Variants in MACROD2 observed in about 807,000 individuals in gnomAD.
MACROD2 encodes ADP-ribose glycohydrolase MACROD2.
A neutral mutation model predicts 70.4 loss-of-function variants in MACROD2; 36 were observed. The observed-to-expected ratio is 0.51, with a 90% CI of 0.39 to 0.68. The LOEUF is 0.68. Among genes scored for constraint, MACROD2 ranks in the 30% least tolerant of loss-of-function variants. The pLI is 0.00. For synonymous variants in MACROD2, 172 were observed against 178.8 expected, an observed-to-expected ratio of 0.96 and a Z score of 0.30; for missense variants, 496 against 538.4, an observed-to-expected ratio of 0.92 and a Z score of 0.78.
At chr20:14,956,767 A>G (rs1338023519) in intron 5 of MACROD2, among the ~76,000 whole-genome samples, 2 of 152,158 alleles carry the variant, frequency 1.3e-5, no homozygotes, top group African/African-American at 4.8e-5. Flanking sequence ...CTAGAGGACA[A>G]GCGTAACTTC....
At chr20:15,340,222 T>C (rs1352980103) in intron 6 of MACROD2, among the ~76,000 whole-genome samples, 1 of 134,436 alleles carries the variant, frequency 7.4e-6, no homozygotes, top group Non-Finnish European at 1.6e-5. Context: ...CACTGCAACC[T>C]CTGCCTCCCA....
chr20:14,935,990 G>A (rs1352570631), intron 5 of MACROD2, among the ~76,000 whole-genome samples: 1 of 152,032 alleles, frequency 6.6e-6, no homozygotes, highest in East Asian at 1.9e-4. Flanking sequence ...TGTTCTAGGA[G>A]CCAAGCACAT....
chr20:15,523,439 TCAGA>T (rs2047678832), intron 8 of MACROD2, among the ~76,000 whole-genome samples: 1 of 152,158 alleles, frequency 6.6e-6, no homozygotes, highest in African/African-American at 2.4e-5. Flanking sequence ...CTAGTCTGGG[TCAGA>T]CAAAGGACCG....
intron 3 of MACROD2, among the ~76,000 whole-genome samples, chr20:14,112,086 T>C (rs1473892458): frequency 1.3e-5 from 2 of 152,008 alleles, no homozygotes; most frequent in African/African-American, 4.8e-5. Context: ...TGGAAATCGT[T>C]ATATTAAATG....
At chr20:14,333,495 A>G (rs904606023) in intron 3 of MACROD2, among the ~76,000 whole-genome samples, 1 of 152,146 alleles carries the variant, frequency 6.6e-6, no homozygotes, top group African/African-American at 2.4e-5. Context: ...ATTAATTTAG[A>G]GAGTGGTGAA....
intron 8 of MACROD2, among the ~76,000 whole-genome samples, chr20:15,606,728 C>G (rs151204922): frequency 6.6e-6 from 1 of 152,154 alleles, no homozygotes; most frequent in Non-Finnish European, 1.5e-5. Flanking sequence ...ACTGGCTAGG[C>G]GCAGTGGCTC....
intron 5 of MACROD2, among the ~76,000 whole-genome samples, chr20:14,786,474 C>T (rs1435202857): frequency 6.6e-6 from 1 of 151,614 alleles, no homozygotes; most frequent in Non-Finnish European, 1.5e-5. Context: ...TTCTGCTGGC[C>T]AAAGTTGTCT....
At chr20:14,682,521 T>A (rs981713802) in intron 4 of MACROD2, among the ~76,000 whole-genome samples, 15 of 152,004 alleles carry the variant, frequency 9.9e-5, no homozygotes, top group Admixed American at 2.0e-4. Flanking sequence ...TGTGTGTATA[T>A]AATGTTGTAA....
chr20:14,904,480 C>T (rs1382799658), intron 5 of MACROD2, among the ~76,000 whole-genome samples: 3 of 151,778 alleles, frequency 2.0e-5, no homozygotes, highest in African/African-American at 7.3e-5. Context: ...TACATATATG[C>T]ATTATGCATA....
At chr20:14,058,909 T>G (rs1320378300) in intron 2 of MACROD2, among the ~76,000 whole-genome samples, 2 of 152,184 alleles carry the variant, frequency 1.3e-5, no homozygotes, top group Admixed American at 6.5e-5. Context: ...CCCAAAGTGC[T>G]GGGATTACAG....
intron 3 of MACROD2, chr20:14,327,008 T>C (rs756439857): frequency 7.4e-6 from 12 of 1,613,634 alleles, no homozygotes; most frequent in Non-Finnish European, 1.0e-5. Context: ...GGAATTGTGC[T>C]AAGGTGATTA....
At chr20:14,350,243 C>T (rs1290411495) in intron 3 of MACROD2, among the ~76,000 whole-genome samples, 1 of 152,022 alleles carries the variant, frequency 6.6e-6, no homozygotes, top group Non-Finnish European at 1.5e-5. Flanking sequence ...GGGTATATAA[C>T]CAGCAGTGGG....
intron 7 of MACROD2, among the ~76,000 whole-genome samples, chr20:15,476,416 G>T (rs1390356754): frequency 2.0e-5 from 3 of 152,172 alleles, no homozygotes; most frequent in East Asian, 1.9e-4. Flanking sequence ...CTGAATCACT[G>T]TGCTGCTCAA....
chr20:15,654,122 C>T (rs2049689623), intron 8 of MACROD2, among the ~76,000 whole-genome samples: 1 of 152,130 alleles, frequency 6.6e-6, no homozygotes, highest in Non-Finnish European at 1.5e-5. Flanking sequence ...ACTTATGTGA[C>T]CGGTTGTAAA....
At chr20:14,258,722 C>T (rs1314796912) in intron 3 of MACROD2, among the ~76,000 whole-genome samples, 3 of 151,954 alleles carry the variant, frequency 2.0e-5, no homozygotes, top group Admixed American at 6.6e-5. Flanking sequence ...TTAATTAGGT[C>T]CCATCGATTC....
At chr20:15,276,285 G>C (rs559171428) in intron 6 of MACROD2, among the ~76,000 whole-genome samples, 1 of 151,690 alleles carries the variant, frequency 6.6e-6, no homozygotes, top group Non-Finnish European at 1.5e-5. Context: ...CTGTAGTCCC[G>C]GCTACTCGGG....
chr20:15,096,056 G>A (rs1174002429), intron 5 of MACROD2, among the ~76,000 whole-genome samples: 1 of 152,100 alleles, frequency 6.6e-6, no homozygotes, highest in Non-Finnish European at 1.5e-5. Context: ...TTTCCCCCCA[G>A]GTGGACAATT....
intron 8 of MACROD2, among the ~76,000 whole-genome samples, chr20:15,695,878 G>C (rs1408732788): frequency 3.3e-5 from 5 of 151,976 alleles, no homozygotes. Flanking sequence ...CTACTGATTT[G>C]TGTACATTAA....
chr20:15,531,760 T>C (rs566758825), intron 8 of MACROD2, among the ~76,000 whole-genome samples: 239 of 152,282 alleles, frequency 1.6e-3, no homozygotes, highest in African/African-American at 5.6e-3. Context: ...TTCTTTGTCT[T>C]TCTATCTGAC....
Sources: allele counts gnomAD v4.1 joint callset (sites outside exome capture counted in the v4.1 genomes callset), GRCh38; gene constraint gnomAD v4.1.1; transcripts MANE v1.5; gene names NCBI Gene and HGNC (gene_info 2026-07-23, HGNC 2026-07-21).